Variants in CDK19 observed in about 807,000 individuals in gnomAD.
CDK19 encodes cyclin-dependent kinase 19.
In CDK19, 20 loss-of-function variants were observed where a neutral mutation model predicts 68.3. That is an observed-to-expected ratio of 0.29 (90% CI 0.21 to 0.43). CDK19 has a LOEUF of 0.43. Ranked by LOEUF, CDK19 falls within the 20% of genes least tolerant of loss-of-function variation. The pLI, the probability that CDK19 is intolerant of heterozygous loss-of-function variation, is 1.00. For synonymous variants in CDK19, 221 were observed against 222.8 expected (o/e 0.99, Z 0.07); for missense variants, 339 against 623.5 (o/e 0.54, Z 4.86).
chr6:110,739,919 T>C (rs1055782599), intron 2 of CDK19, among the ~76,000 whole-genome samples: 3 of 151,936 alleles, frequency 2.0e-5, no homozygotes, highest in Non-Finnish European at 4.4e-5. Flanking sequence ...GGATTACAGG[T>C]GGGGGCCACC....
intron 2 of CDK19, among the ~76,000 whole-genome samples, chr6:110,680,031 T>C (rs889247817): frequency 4.6e-5 from 7 of 152,256 alleles, no homozygotes; most frequent in Non-Finnish European, 8.8e-5. Context: ...TACCCTTTCA[T>C]AAGTTATTCT....
intron 1 of CDK19, among the ~76,000 whole-genome samples, chr6:110,805,176 T>C (rs1782598103): frequency 2.0e-5 from 3 of 152,198 alleles, no homozygotes; most frequent in Non-Finnish European, 4.4e-5. Context: ...TAATCAGCTA[T>C]TTGTAAATGG....
At chr6:110,670,614 T>C (rs1770913969) in intron 2 of CDK19, 73 bp from the exon 3 acceptor site, 1 of 885,614 alleles carries the variant, frequency 1.1e-6, no homozygotes, top group Non-Finnish European at 1.8e-6. Context: ...TCTTATAACT[T>C]CAAAACGAAA....
chr6:110,721,896 A>AGAGGTTGCAGTGAGCC (rs1562232555), intron 2 of CDK19, among the ~76,000 whole-genome samples: 3 of 152,128 alleles, frequency 2.0e-5, no homozygotes, highest in Non-Finnish European at 2.9e-5. Context: ...CCAGGGAGAC[A>AGAGGTTGCAGTGAGCC]GAGGTTGCAG....
At chr6:110,704,489 C>G (rs1185398741) in intron 2 of CDK19, among the ~76,000 whole-genome samples, 1 of 152,174 alleles carries the variant, frequency 6.6e-6, no homozygotes, top group Non-Finnish European at 1.5e-5. Context: ...ATCCATTACT[C>G]TTAATGATCT....
chr6:110,728,769 C>T (rs1776535287), intron 2 of CDK19, among the ~76,000 whole-genome samples: 1 of 152,156 alleles, frequency 6.6e-6, no homozygotes, highest in African/African-American at 2.4e-5. Flanking sequence ...CATGCTTATA[C>T]ACAATGTTCC....
chr6:110,669,865 G>A (rs1770851590), intron 3 of CDK19, among the ~76,000 whole-genome samples: 1 of 152,138 alleles, frequency 6.6e-6, no homozygotes, highest in South Asian at 2.1e-4. Flanking sequence ...TTGCATAAAA[G>A]TATAGTCTCC....
In CDK19 at chr6:110,706,723, C is replaced by T. The variant is rs139418824; in HGVS notation, c.205-36182G>A. 4.6e-3 allele frequency: 716 copies of T among 156,538 alleles called. 3 individuals are homozygous for T. Among genetic ancestry groups the T allele is most frequent in the Middle Eastern group, 0.017 (5 of 298 alleles). 9.7% of individuals were successfully genotyped at this position (156,538 alleles called of 1,614,324 possible). ...CCACCGCGCCTGGCCCACTGGGTAA[C>T]ACTGTTGATAGACTCTTCCAGTTTT... On this transcript the variant is annotated intron_variant, in intron 2 of 12. Coordinates refer to ENST00000368911, the MANE Select transcript of CDK19 (RefSeq NM_015076.5).
intron 6 of CDK19, among the ~76,000 whole-genome samples, chr6:110,629,046 G>A (rs997511905): frequency 6.6e-6 from 1 of 152,038 alleles, no homozygotes; most frequent in African/African-American, 2.4e-5. Context: ...CGATATGGCT[G>A]CCTCTGATGG....
intron 2 of CDK19, among the ~76,000 whole-genome samples, chr6:110,689,314 C>T (rs1772774318): frequency 6.6e-6 from 1 of 152,162 alleles, no homozygotes; most frequent in Admixed American, 6.5e-5. Flanking sequence ...TTTGCCCCTC[C>T]ACCCACCCTG....
At chr6:110,795,009 G>A (rs952450381) in intron 1 of CDK19, among the ~76,000 whole-genome samples, 2 of 152,048 alleles carry the variant, frequency 1.3e-5, no homozygotes, top group African/African-American at 2.4e-5. Flanking sequence ...TCAGTCTGTC[G>A]CCAAATCTTG....
chr6:110,666,475 A>G (rs2114409521), intron 4 of CDK19, among the ~76,000 whole-genome samples: 1 of 149,854 alleles, frequency 6.7e-6, no homozygotes, highest in South Asian at 2.1e-4. Flanking sequence ...AAATGCTTCC[A>G]TTAATATGGT....
intron 6 of CDK19, among the ~76,000 whole-genome samples, chr6:110,627,604 G>A (rs1405174205): frequency 6.6e-6 from 1 of 152,028 alleles, no homozygotes; most frequent in African/African-American, 2.4e-5. Context: ...TTGACCTCCT[G>A]GGCTCAAGGA....
At chr6:110,777,217 G>A (rs1780467700) in intron 1 of CDK19, among the ~76,000 whole-genome samples, 1 of 152,096 alleles carries the variant, frequency 6.6e-6, no homozygotes, top group South Asian at 2.1e-4. Context: ...GTAACAAAAT[G>A]AGAAATGTGA....
chr6:110,786,497 T>C (rs1405325958), intron 1 of CDK19, among the ~76,000 whole-genome samples: 2 of 152,212 alleles, frequency 1.3e-5, no homozygotes, highest in Non-Finnish European at 2.9e-5. Flanking sequence ...TCTGTGGCTG[T>C]AACAACAGCA....
At chr6:110,778,627 T>C (rs1174522315) in intron 1 of CDK19, among the ~76,000 whole-genome samples, 5 of 152,214 alleles carry the variant, frequency 3.3e-5, no homozygotes, top group Non-Finnish European at 5.9e-5. Context: ...AACTCCATTA[T>C]CCATCCTCTT....
chr6:110,615,443 CTT>C (rs1490033351), intron 12 of CDK19, among the ~76,000 whole-genome samples: 3 of 152,140 alleles, frequency 2.0e-5, no homozygotes, highest in Non-Finnish European at 4.4e-5. Context: ...GAAGTAGTAT[CTT>C]TGGCTATATT....
rs367641526 is a variant in CDK19, at chr6:110,722,097, A to T, written c.204+24029T>A. On this transcript the variant is annotated intron_variant, in intron 2 of 12. Transcript: ENST00000368911. ...AGAACCTGCATAAATAACATATGAC[A>T]TGGCAAATTTTAAACGATTCCTCTC... Among the ~76,000 whole-genome samples, 16 of 152,240 alleles carry T rather than the reference A, an allele frequency of 1.1e-4. 1 individual carries two copies. The highest frequency in any genetic ancestry group is 9.2e-4 in the Admixed American group (14 of 15,280).
chr6:110,643,545 C>T (rs898331178), intron 4 of CDK19, among the ~76,000 whole-genome samples: 23 of 152,026 alleles, frequency 1.5e-4, no homozygotes, highest in African/African-American at 5.6e-4. Flanking sequence ...AAAAGGGATA[C>T]TAAGATTTTG....
Sources: allele counts gnomAD v4.1 joint callset (sites outside exome capture counted in the v4.1 genomes callset), GRCh38; gene constraint gnomAD v4.1.1; transcripts MANE v1.5; gene names NCBI Gene and HGNC (gene_info 2026-07-23, HGNC 2026-07-21).